Variants in TRIP12 observed in about 807,000 individuals in gnomAD.
The protein encoded by TRIP12 is thyroid hormone receptor interactor 12.
TRIP12 carries 25 observed loss-of-function variants against 244.2 expected under a neutral mutation model. The ratio of observed to expected loss-of-function variants is 0.10; its 90% CI spans 0.07 to 0.14. The LOEUF (loss-of-function observed/expected upper bound fraction) is 0.14. Among genes scored for constraint, TRIP12 ranks in the 10% least tolerant of loss-of-function variants. The probability of loss-of-function intolerance (pLI) is 1.00; values close to 1 mark genes in which losing one functional copy is unlikely to be tolerated. For missense variants in TRIP12, 1,677 were observed against 2,486.4 expected, an observed-to-expected ratio of 0.67 and a Z score of 6.92; for synonymous variants, 905 against 873.1, an observed-to-expected ratio of 1.04 and a Z score of -0.64.
intron 8 of TRIP12, among the ~76,000 whole-genome samples, chr2:229,823,451 G>A (rs1006666013): frequency 6.6e-6 from 1 of 151,830 alleles, no homozygotes; most frequent in Non-Finnish European, 1.5e-5. Flanking sequence ...AGGTGGGGTG[G>A]ATCAGGAGGT....
At chr2:229,848,025 T>A (rs1553687436) in intron 4 of TRIP12, among the ~76,000 whole-genome samples, 1 of 152,154 alleles carries the variant, frequency 6.6e-6, no homozygotes, top group Non-Finnish European at 1.5e-5. Context: ...ACTCAGGCAC[T>A]TAGGGCTTCA....
At chr2:229,883,463 G>C (rs189243715) in intron 1 of TRIP12, among the ~76,000 whole-genome samples, 1 of 152,134 alleles carries the variant, frequency 6.6e-6, no homozygotes, top group Admixed American at 6.5e-5. Context: ...TTTCATAGCC[G>C]GTAGTGAATA....
intron 2 of TRIP12, among the ~76,000 whole-genome samples, chr2:229,864,746 TC>T (rs1358197825): frequency 6.6e-6 from 1 of 152,180 alleles, no homozygotes; most frequent in Non-Finnish European, 1.5e-5. Flanking sequence ...ATGGGCCAAT[TC>T]ACATTAAAGA....
chr2:229,808,386 C>T lies in TRIP12; in HGVS notation c.2222-17G>A. ...CTGCAATGTCTGTAAAAACCAACAA[C>T]AAAAAACAAAAGGCTATTAAACTAG... On this transcript the variant is annotated splice_polypyrimidine_tract_variant and intron_variant, in intron 15 of 41. Coordinates refer to ENST00000675903, the MANE Select transcript of TRIP12 (RefSeq NM_001348323.3). 7 of 1,567,274 alleles carry T rather than the reference C, an allele frequency of 4.5e-6. No homozygotes were observed. Among genetic ancestry groups the T allele is most frequent in the Non-Finnish European group, 5.2e-6 (6 of 1,143,810 alleles).
At chr2:229,799,186 C>T (rs1187849467) in intron 22 of TRIP12, 97 bp downstream of exon 22, 2 of 1,520,934 alleles carry the variant, frequency 1.3e-6, no homozygotes, top group Non-Finnish European at 9.1e-7. Context: ...GAAACTTAGG[C>T]ATACTTCAAG....
intron 11 of TRIP12, among the ~76,000 whole-genome samples, chr2:229,814,653 T>C (rs1449803723): frequency 6.6e-6 from 1 of 152,188 alleles, no homozygotes; most frequent in Admixed American, 6.5e-5. Flanking sequence ...TACACCATAC[T>C]GCAAGTTTAT....
At chr2:229,904,207 C>T (rs2071962073) in intron 1 of TRIP12, among the ~76,000 whole-genome samples, 1 of 151,948 alleles carries the variant, frequency 6.6e-6, no homozygotes, top group African/African-American at 2.4e-5. Flanking sequence ...CACCTGAGGT[C>T]AGAAGTTTGA....
chr2:229,818,643 G>T, intron 8 of TRIP12, 131 bp from the exon 9 acceptor site: 1 of 805,434 alleles, frequency 1.2e-6, no homozygotes, highest in Non-Finnish European at 1.9e-6. Flanking sequence ...CTATACCAGG[G>T]TTAAGGCTCA....
intron 26 of TRIP12, among the ~76,000 whole-genome samples, chr2:229,793,891 G>A (rs2042159606): frequency 6.6e-6 from 1 of 151,506 alleles, no homozygotes. Context: ...TAGTGTTGGT[G>A]TATTTTATGT....
chr2:229,770,050 C>T (rs1416671565), intron 39 of TRIP12, among the ~76,000 whole-genome samples: 8 of 152,120 alleles, frequency 5.3e-5, no homozygotes, highest in Non-Finnish European at 8.8e-5. Context: ...AGCTCACTCC[C>T]GTCATGATCT....
intron 8 of TRIP12, among the ~76,000 whole-genome samples, chr2:229,825,140 C>T (rs1416225734): frequency 6.6e-6 from 1 of 152,106 alleles, no homozygotes; most frequent in Non-Finnish European, 1.5e-5. Flanking sequence ...CTTTCAGCAG[C>T]AACTTGAAAT....
intron 1 of TRIP12, among the ~76,000 whole-genome samples, chr2:229,914,267 T>A (rs1412141251): frequency 6.6e-6 from 1 of 152,096 alleles, no homozygotes; most frequent in Non-Finnish European, 1.5e-5. Context: ...TCAATTCAAG[T>A]AGACAAAAAA....
intron 3 of TRIP12, 63 bp downstream of exon 3, chr2:229,860,343 T>C: frequency 6.5e-7 from 1 of 1,542,146 alleles, no homozygotes. Context: ...GTTTTAACAT[T>C]ATGCAATGAT....
chr2:229,857,099 T>G (rs2059721521), intron 4 of TRIP12, among the ~76,000 whole-genome samples: 1 of 152,216 alleles, frequency 6.6e-6, no homozygotes, highest in East Asian at 1.9e-4. Flanking sequence ...AATTTTAAGT[T>G]AGGCTGATTC....
intron 1 of TRIP12, among the ~76,000 whole-genome samples, chr2:229,884,231 CTTTTCTTTTTT>C (rs1336605042): frequency 1.6e-5 from 2 of 122,568 alleles, no homozygotes; most frequent in Admixed American, 8.4e-5. Flanking sequence ...TGCAATTTTT[CTTTTCTTTTTT>C]TTTTTTTTTT....
At chr2:229,789,368 A>G (rs557905146) in intron 31 of TRIP12, among the ~76,000 whole-genome samples, 1 of 152,340 alleles carries the variant, frequency 6.6e-6, no homozygotes, top group Non-Finnish European at 1.5e-5. Context: ...CAAGTTTCAT[A>G]TTGTAGCTTA....
chr2:229,874,191 C>T (rs900506257), intron 2 of TRIP12, among the ~76,000 whole-genome samples: 2 of 151,950 alleles, frequency 1.3e-5, no homozygotes, highest in East Asian at 1.9e-4. Flanking sequence ...AAATGGCCCA[C>T]GGAGCAAATT....
At chr2:229,878,081 A>G (rs955134559) in intron 2 of TRIP12, among the ~76,000 whole-genome samples, 1 of 152,218 alleles carries the variant, frequency 6.6e-6, no homozygotes, top group Non-Finnish European at 1.5e-5. Context: ...TAGCTATCCC[A>G]TTCTGTGGAC....
Position 229,771,226 on chromosome 2 carries a change from C to G in TRIP12, c.5808+293G>C, listed in dbSNP as rs990480968. The stretch of plus-strand genomic sequence containing the variant: ...GCAGTACAGAAACATGTAGAACATG[C>G]CACACACAGCACAAGTCCCCATTCT... On this transcript the variant is annotated intron_variant, in intron 39 of 41. Coordinates refer to ENST00000675903, the MANE Select transcript of TRIP12 (RefSeq NM_001348323.3). Among the ~76,000 whole-genome samples, 5 of 152,360 alleles carry G rather than the reference C, an allele frequency of 3.3e-5. No individual in the cohort carries two copies. In the South Asian group the frequency reaches 1.0e-3, roughly 32 times the overall value.
Sources: gnomAD v4.1 joint callset for allele counts (sites outside exome capture counted in the v4.1 genomes callset) on GRCh38, gnomAD v4.1.1 for gene constraint, MANE v1.5 for transcripts, NCBI Gene and HGNC (gene_info 2026-07-23, HGNC 2026-07-21) for gene names.